Variants in ITFG1 observed in about 807,000 individuals in gnomAD.
The protein encoded by ITFG1 is integrin alpha FG-GAP repeat containing 1.
In ITFG1, 34 loss-of-function variants were observed where a neutral mutation model predicts 81.8. The observed-to-expected ratio is 0.42, with a 90% CI of 0.32 to 0.55. ITFG1 has a LOEUF of 0.55. ITFG1 is among the 20% of genes least tolerant of loss of function. The pLI, the probability that ITFG1 is intolerant of heterozygous loss-of-function variation, is 0.17. For missense variants in ITFG1, 672 were observed against 755.4 expected (o/e 0.89, Z 1.29); for synonymous variants, 285 against 270.6 (o/e 1.05, Z -0.52).
rs545975298 is a variant in ITFG1, at chr16:47,353,490, A to G, written c.802+12298T>C. Among the ~76,000 whole-genome samples, 16 of 152,294 alleles carry G rather than the reference A, an allele frequency of 1.1e-4. No individual in the cohort carries two copies. In the East Asian group the frequency reaches 2.9e-3, roughly 28 times the overall value. ...GAAAGCTTTTCCCCTAAGATATGGAAGAAGACAAGGATGCCCAGTTTCACC... is the reference window on the plus strand; with the variant it reads ...GAAAGCTTTTCCCCTAAGATATGGAGGAAGACAAGGATGCCCAGTTTCACC... On this transcript the variant is annotated intron_variant, in intron 8 of 17. Coordinates refer to ENST00000320640, the MANE Select transcript of ITFG1 (RefSeq NM_030790.5).
intron 5 of ITFG1, among the ~76,000 whole-genome samples, chr16:47,442,685 A>G (rs1969269069): frequency 6.6e-6 from 1 of 152,210 alleles, no homozygotes; most frequent in Non-Finnish European, 1.5e-5. Context: ...TGCTGGGAAA[A>G]CTGGCTAGCC....
chr16:47,396,910 G>T (rs1968601188), intron 6 of ITFG1, among the ~76,000 whole-genome samples: 1 of 152,170 alleles, frequency 6.6e-6, no homozygotes, highest in Non-Finnish European at 1.5e-5. Context: ...AGGTCCTGGT[G>T]CTGGGCTGAC....
Position 47,155,532 on chromosome 16 carries a change from A to T in ITFG1, c.*187T>A. 1 of 459,994 alleles carries T rather than the reference A, an allele frequency of 2.2e-6. No individual in the cohort carries two copies. Among genetic ancestry groups the T allele is most frequent in the Non-Finnish European group, 3.8e-6 (1 of 263,224 alleles). The allele number at this position is 459,994 out of a possible 1,614,324, so 28.5% of individuals were successfully genotyped here. ...GAATAGAGAACCCAAATTTTTATAT[A>T]CAAAGTGCTTTAAAAAAAAAGACCT... On this transcript the variant is annotated 3_prime_UTR_variant, in exon 18 of 18. Coordinates refer to ENST00000320640, the MANE Select transcript of ITFG1 (RefSeq NM_030790.5).
At chr16:47,338,292 T>C (rs1296210297) in intron 8 of ITFG1, among the ~76,000 whole-genome samples, 2 of 151,922 alleles carry the variant, frequency 1.3e-5, no homozygotes, top group African/African-American at 2.4e-5. Context: ...GCGCGCATAA[T>C]CCCTACTCGG....
chr16:47,444,762 G>T (rs780353921), intron 5 of ITFG1, among the ~76,000 whole-genome samples: 4 of 152,120 alleles, frequency 2.6e-5, no homozygotes, highest in Non-Finnish European at 4.4e-5. Context: ...GAATATTCCA[G>T]TCACATCTGC....
At position 47,451,859 on chromosome 16, in the gene ITFG1, C is replaced by G. The variant is rs114964450; in HGVS notation, c.486-389G>C. Among the ~76,000 whole-genome samples the G allele has an allele frequency of 4.2e-3, 637 of 152,284 alleles. 6 individuals carry two copies. Among genetic ancestry groups the G allele is most frequent in the African/African-American group, 0.015 (607 of 41,552 alleles). On this transcript the variant is annotated intron_variant, in intron 4 of 17. Coordinates refer to ENST00000320640, the MANE Select transcript of ITFG1 (RefSeq NM_030790.5). Reference sequence around the variant, plus strand: ...ATTCGTTTTGTGAGATTTTGGGTATCTCTGTAATCTTTGCATTATCTAGAC... The same window carrying G: ...ATTCGTTTTGTGAGATTTTGGGTATGTCTGTAATCTTTGCATTATCTAGAC...
chr16:47,216,848 G>A (rs1362960764), intron 14 of ITFG1, among the ~76,000 whole-genome samples: 2 of 151,832 alleles, frequency 1.3e-5, no homozygotes, highest in East Asian at 3.9e-4. Flanking sequence ...AGTGGAAATG[G>A]GGCTTTGTCA....
chr16:47,418,904 G>T lies in ITFG1; in HGVS notation c.655+9900C>A, dbSNP rs140358517. ...TTTTGTTGTTTCATAAAAATTTTAG[G>T]ATTGTTTTTCCTATTTCTGTGAAGA... On this transcript the variant is annotated intron_variant, in intron 6 of 17. Coordinates refer to ENST00000320640, the MANE Select transcript of ITFG1 (RefSeq NM_030790.5). Among the ~76,000 whole-genome samples, 1,223 of 152,180 alleles carry T rather than the reference G, an allele frequency of 8.0e-3. 16 individuals are homozygous for T. The highest frequency in any genetic ancestry group is 0.029 in the African/African-American group (1,187 of 41,504).
chr16:47,260,822 A>C, intron 10 of ITFG1, 127 bp from the exon 11 acceptor site: 2 of 1,036,752 alleles, frequency 1.9e-6, no homozygotes, highest in East Asian at 2.6e-5. Flanking sequence ...AAAAATCTCC[A>C]CATTTTTTGT....
intron 14 of ITFG1, among the ~76,000 whole-genome samples, chr16:47,214,998 C>T (rs1018107790): frequency 6.6e-6 from 1 of 151,574 alleles, no homozygotes; most frequent in Non-Finnish European, 1.5e-5. Context: ...TGAAACAATA[C>T]TTTACCATCT....
intron 10 of ITFG1, among the ~76,000 whole-genome samples, chr16:47,274,880 G>T (rs1330995776): frequency 6.6e-6 from 1 of 152,116 alleles, no homozygotes; most frequent in Non-Finnish European, 1.5e-5. Flanking sequence ...TAGCCATAAT[G>T]AAAAAGCCTT....
At chr16:47,174,915 G>C (rs190425005) in intron 14 of ITFG1, among the ~76,000 whole-genome samples, 84 of 152,232 alleles carry the variant, frequency 5.5e-4, no homozygotes, top group Non-Finnish European at 8.8e-4. Context: ...ATGATATCTC[G>C]ATGAAAAGAA....
intron 10 of ITFG1, among the ~76,000 whole-genome samples, chr16:47,292,292 G>T (rs926806542): frequency 6.6e-6 from 1 of 152,140 alleles, no homozygotes; most frequent in African/African-American, 2.4e-5. Context: ...GATTAGAGGC[G>T]TGAGCCACCG....
intron 8 of ITFG1, among the ~76,000 whole-genome samples, chr16:47,319,509 A>C (rs1567458557): frequency 6.6e-6 from 1 of 152,228 alleles, no homozygotes; most frequent in East Asian, 1.9e-4. Context: ...GCTTTTCGTC[A>C]ACACAACCAA....
At chr16:47,402,945 T>C (rs532349474) in intron 6 of ITFG1, among the ~76,000 whole-genome samples, 1 of 152,108 alleles carries the variant, frequency 6.6e-6, no homozygotes, top group Non-Finnish European at 1.5e-5. Context: ...GTTATTCCTA[T>C]GCAATAACTA....
intron 8 of ITFG1, among the ~76,000 whole-genome samples, chr16:47,356,545 A>G (rs907489395): frequency 1.3e-5 from 2 of 152,188 alleles, no homozygotes; most frequent in Non-Finnish European, 2.9e-5. Context: ...GCTTTGTGAG[A>G]GAGTCGGAGG....
intron 14 of ITFG1, among the ~76,000 whole-genome samples, chr16:47,178,855 A>G (rs1474439701): frequency 6.6e-6 from 1 of 152,250 alleles, no homozygotes; most frequent in African/African-American, 2.4e-5. Context: ...TCCAGAATCT[A>G]CAATGAACTT....
intron 13 of ITFG1, among the ~76,000 whole-genome samples, chr16:47,220,047 CAAGGAA>C (rs1424828698): frequency 1.3e-5 from 2 of 152,092 alleles, no homozygotes; most frequent in Admixed American, 1.3e-4. Context: ...TGCAGATGGG[CAAGGAA>C]AAGCATTGTT....
intron 8 of ITFG1, among the ~76,000 whole-genome samples, chr16:47,316,448 T>C (rs1233418552): frequency 6.6e-6 from 1 of 152,226 alleles, no homozygotes; most frequent in Non-Finnish European, 1.5e-5. Context: ...AATGTATCAC[T>C]GTGCATTCCC....
Sources: gnomAD v4.1 joint callset for allele counts (sites outside exome capture counted in the v4.1 genomes callset) on GRCh38, gnomAD v4.1.1 for gene constraint, MANE v1.5 for transcripts, NCBI Gene and HGNC (gene_info 2026-07-23, HGNC 2026-07-21) for gene names.